The following DNAH7 variants were observed in gnomAD, a reference collection of about 807,000 sequenced individuals.
DNAH7 encodes the protein axonemal beta dynein heavy chain 7.
Under a neutral mutation model 444.6 loss-of-function variants are expected in DNAH7, and 397 were observed. The ratio of observed to expected loss-of-function variants is 0.89; its 90% CI spans 0.82 to 0.97. The LOEUF is 0.97. Among genes scored for constraint, DNAH7 ranks in the 50% least tolerant of loss-of-function variants. DNAH7 has a pLI of 0.00. For missense variants in DNAH7, 4,902 were observed against 4,800.8 expected (o/e 1.02, Z -0.62); for synonymous variants, 1,636 against 1,624.4 (o/e 1.01, Z -0.17).
intron 30 of DNAH7, chr2:195,894,037 GAAGTA>G (rs1702163490): frequency 6.6e-6 from 1 of 152,002 alleles, no homozygotes; most frequent in Non-Finnish European, 1.5e-5. Flanking sequence ...AAAGAGAAGG[GAAGTA>G]AAGAAACAAA....
chr2:196,025,323 C>G (rs73044611), intron 7 of DNAH7, among the ~76,000 whole-genome samples: 5,134 of 152,240 alleles, frequency 0.034, 259 homozygotes, highest in African/African-American at 0.12. Flanking sequence ...ACATTTAATT[C>G]TAATTCTTCT....
chr2:195,900,651 G>C (rs927287890), intron 27 of DNAH7, 157 bp from the exon 28 acceptor site: 2 of 636,876 alleles, frequency 3.1e-6, no homozygotes, highest in Non-Finnish European at 5.2e-6. Context: ...GGCTGGGAAA[G>C]GTGAGGTGGG....
chr2:195,786,988 C>T, intron 58 of DNAH7, 22 bp downstream of exon 58: 3 of 1,546,544 alleles, frequency 1.9e-6, no homozygotes, highest in Non-Finnish European at 2.6e-6. Flanking sequence ...AGGTAATGTC[C>T]TTGCTGTGAT....
chr2:195,936,795 A>G lies in DNAH7; in HGVS notation c.3079-3T>C, dbSNP rs765282425. On this transcript the variant is annotated splice_region_variant and splice_polypyrimidine_tract_variant and intron_variant, in intron 19 of 64. Coordinates refer to ENST00000312428, the MANE Select transcript of DNAH7 (RefSeq NM_018897.3). Reference sequence around the variant, plus strand: ...ACAACTGTCAGAACATGTTTATCCTAAAAATAAAAATAAAAAACACTCAAT... The same window carrying G: ...ACAACTGTCAGAACATGTTTATCCTGAAAATAAAAATAAAAAACACTCAAT... The G allele has an allele frequency of 3.4e-5, 51 of 1,486,362 alleles. No individual in the cohort carries two copies. Among genetic ancestry groups the G allele is most frequent in the Non-Finnish European group, 4.2e-5 (47 of 1,120,780 alleles). The allele number at this position is 1,486,362 out of a possible 1,614,324, so 92.1% of individuals were successfully genotyped here. A position where few individuals can be genotyped will look rare whatever the true frequency, so the allele number is the denominator to read the frequency against.
chr2:196,029,018 T>C (rs1165272557), intron 5 of DNAH7, among the ~76,000 whole-genome samples: 2 of 152,220 alleles, frequency 1.3e-5, no homozygotes, highest in South Asian at 2.1e-4. Flanking sequence ...TTTAATTCAA[T>C]AGATAGCTAG....
At chr2:196,004,962 C>CAAAAA (rs60564090) in intron 10 of DNAH7, among the ~76,000 whole-genome samples, 3 of 63,652 alleles carry the variant, frequency 4.7e-5, no homozygotes, top group Non-Finnish European at 6.7e-5. Flanking sequence ...GGCCTTGTGT[C>CAAAAA]AAAAAAAAAA....
chr2:195,829,738 A>G (rs1430150221), intron 48 of DNAH7, among the ~76,000 whole-genome samples: 1 of 152,042 alleles, frequency 6.6e-6, no homozygotes, highest in Non-Finnish European at 1.5e-5. Flanking sequence ...ATATATGTAA[A>G]AATCATTTTT....
intron 15 of DNAH7, among the ~76,000 whole-genome samples, chr2:195,975,195 C>T (rs988554616): frequency 1.3e-5 from 2 of 152,168 alleles, no homozygotes; most frequent in African/African-American, 2.4e-5. Flanking sequence ...CTGAAAGAGA[C>T]ACCGAAGAGG....
intron 12 of DNAH7, among the ~76,000 whole-genome samples, chr2:195,997,028 CAG>C (rs1395041118): frequency 1.3e-5 from 2 of 152,150 alleles, no homozygotes; most frequent in Non-Finnish European, 2.9e-5. Context: ...TTTTGGAAAA[CAG>C]AAATTTTTAA....
chr2:195,893,792 A>T (rs1702148961), intron 30 of DNAH7: 1 of 152,228 alleles, frequency 6.6e-6, no homozygotes, highest in African/African-American at 2.4e-5. Flanking sequence ...ATTCCCTGGT[A>T]ATGAGCCATT....
chr2:195,938,704 A>G (rs1184327695), intron 19 of DNAH7, among the ~76,000 whole-genome samples: 2 of 152,206 alleles, frequency 1.3e-5, no homozygotes, highest in Non-Finnish European at 2.9e-5. Flanking sequence ...CCATGGAAAG[A>G]GCATTCAGGT....
chr2:195,876,520 G>C (rs369832218), intron 37 of DNAH7, 24 bp downstream of exon 37: 1 of 1,609,080 alleles, frequency 6.2e-7, no homozygotes, highest in African/African-American at 1.3e-5. Flanking sequence ...GAATAGGCCC[G>C]GGTACTGTAC....
At chr2:196,025,572 G>A (rs919402943) in intron 7 of DNAH7, among the ~76,000 whole-genome samples, 4 of 152,064 alleles carry the variant, frequency 2.6e-5, no homozygotes, top group African/African-American at 4.8e-5. Context: ...GCATGTTCCC[G>A]ACTAGACTGT....
intron 10 of DNAH7, among the ~76,000 whole-genome samples, chr2:196,009,446 C>T (rs1413803589): frequency 6.6e-6 from 1 of 151,876 alleles, no homozygotes; most frequent in Non-Finnish European, 1.5e-5. Context: ...CAAAAGAGAA[C>T]AAAAAAAGTC....
intron 10 of DNAH7, among the ~76,000 whole-genome samples, chr2:196,006,944 ATAAAT>A (rs1378328943): frequency 6.6e-6 from 1 of 152,214 alleles, no homozygotes. Flanking sequence ...CATTGTTGAA[ATAAAT>A]TAAAGAAGAA....
chr2:195,854,765 T>C (rs796769473), intron 45 of DNAH7, among the ~76,000 whole-genome samples: 1 of 152,302 alleles, frequency 6.6e-6, no homozygotes, highest in African/African-American at 2.4e-5. Context: ...TCTAATATTT[T>C]ATCATAAAAA....
chr2:195,976,774 AG>A (rs1692230934), intron 15 of DNAH7, among the ~76,000 whole-genome samples: 1 of 151,134 alleles, frequency 6.6e-6, no homozygotes, highest in African/African-American at 2.4e-5. Flanking sequence ...AGAGAGAGAG[AG>A]AGAGAGAGAG....
At chr2:195,748,212 T>A (rs1167080401) in intron 63 of DNAH7, among the ~76,000 whole-genome samples, 1 of 152,114 alleles carries the variant, frequency 6.6e-6, no homozygotes, top group Admixed American at 6.5e-5. Context: ...GAGAGCCAAA[T>A]CATGAGTGAA....
chr2:196,048,170 A>C (rs879297375), intron 4 of DNAH7, 126 bp downstream of exon 4: 10 of 744,584 alleles, frequency 1.3e-5, no homozygotes, highest in Admixed American at 6.3e-5. Context: ...GTATTGGGAA[A>C]ATTTTTTTCT....
Sources: allele counts gnomAD v4.1 joint callset (sites outside exome capture counted in the v4.1 genomes callset), GRCh38; gene constraint gnomAD v4.1.1; transcripts MANE v1.5; gene names NCBI Gene and HGNC (gene_info 2026-07-23, HGNC 2026-07-21).